Variants in PCDH9 observed in about 807,000 individuals in gnomAD.
The protein encoded by PCDH9 is protocadherin 9.
In PCDH9, 24 loss-of-function variants were observed where a neutral mutation model predicts 70.6. The observed-to-expected ratio is 0.34, with a 90% confidence interval of 0.25 to 0.48. The LOEUF (loss-of-function observed/expected upper bound fraction) is 0.48. Among genes scored for constraint, PCDH9 ranks in the 20% least tolerant of loss-of-function variants. The pLI is 0.99. For missense variants in PCDH9, 1,281 were observed against 1,503.6 expected (o/e 0.85, Z 2.45); for synonymous variants, 562 against 558.5 (o/e 1.01, Z -0.09).
Position 67,227,819 on chromosome 13 carries a change from G to C in PCDH9, c.622C>G (p.Gln208Glu), listed in dbSNP as rs771922856. 6 of 1,613,942 alleles carry C rather than the reference G, an allele frequency of 3.7e-6. No homozygotes were observed. The highest frequency in any genetic ancestry group is 3.3e-4 in the Middle Eastern group (2 of 6,062). The change falls in exon 2 of 5, where the codon CAA (glutamine) becomes GAA (glutamate). Residue 208 changes from glutamine to glutamate, a missense_variant. Physicochemically the swap from Gln to Glu is conservative, Grantham distance 29. Around this residue, in one of 4 missense-constraint regions of PCDH9, gnomAD observed 798 missense variants for 1,003.1 expected, o/e 0.80. Coordinates refer to ENST00000377865, the MANE Select transcript of PCDH9 (RefSeq NM_203487.3). The surrounding 1 kb of genome is among the most constrained non-coding windows in gnomAD (Gnocchi z 4.6). ...TCTTTCTGTTCTCTATCCAAGTTTT[G>C]CTGAACAATCAGTTGTGGCCACTTC... ...GEKWPQLIVQQNLDREQKDTY... is the reference protein window; with the variant it reads ...GEKWPQLIVQENLDREQKDTY...
At chr13:67,189,121 C>T (rs2088840299) in intron 2 of PCDH9, among the ~76,000 whole-genome samples, 1 of 151,642 alleles carries the variant, frequency 6.6e-6, no homozygotes, top group Non-Finnish European at 1.5e-5. Context: ...GCCGTTAATT[C>T]CTTCATATAT....
At chr13:66,540,240 G>A (rs1960896306) in intron 4 of PCDH9, among the ~76,000 whole-genome samples, 1 of 151,742 alleles carries the variant, frequency 6.6e-6, no homozygotes, top group Non-Finnish European at 1.5e-5. Context: ...ATAATATATT[G>A]AATTTTGGGG....
intron 2 of PCDH9, among the ~76,000 whole-genome samples, chr13:67,058,598 C>T (rs1003461472): frequency 3.9e-5 from 6 of 152,144 alleles, no homozygotes; most frequent in Admixed American, 2.6e-4. Flanking sequence ...TAAATGAGAG[C>T]GAATAGACTT....
At chr13:66,381,721 T>C (rs1430156624) in intron 4 of PCDH9, among the ~76,000 whole-genome samples, 5 of 152,208 alleles carry the variant, frequency 3.3e-5, no homozygotes, top group Non-Finnish European at 7.4e-5. Flanking sequence ...TGATTTTTAT[T>C]ACAAAAAATT....
At chr13:66,514,574 T>C (rs1959644550) in intron 4 of PCDH9, among the ~76,000 whole-genome samples, 1 of 151,742 alleles carries the variant, frequency 6.6e-6, no homozygotes, top group South Asian at 2.1e-4. Context: ...TGTTAAAAAA[T>C]TTAAGTATAT....
At chr13:67,062,446 T>G (rs2085557247) in intron 2 of PCDH9, among the ~76,000 whole-genome samples, 1 of 152,180 alleles carries the variant, frequency 6.6e-6, no homozygotes, top group African/African-American at 2.4e-5. Flanking sequence ...TTCACAATGT[T>G]AACCATCTCA....
At chr13:67,224,683 G>T in intron 2 of PCDH9, 1 of 347,746 alleles carries the variant, frequency 2.9e-6, no homozygotes, top group Non-Finnish European at 4.0e-6. Context: ...ATTTACAATG[G>T]ATTCATTCTT....
chr13:66,857,944 T>C (rs760826356), intron 3 of PCDH9, among the ~76,000 whole-genome samples: 43 of 152,230 alleles, frequency 2.8e-4, no homozygotes, highest in African/African-American at 9.1e-4. Flanking sequence ...CCCTCAATCA[T>C]TGAGCTGCTT....
At chr13:66,730,864 T>TGTGTGTG (rs201148717) in intron 3 of PCDH9, among the ~76,000 whole-genome samples, 3 of 122,292 alleles carry the variant, frequency 2.5e-5, no homozygotes, top group Admixed American at 9.7e-5. Context: ...TTTTGTTTTT[T>TGTGTGTG]TGTGTGTGTG....
chr13:67,059,968 G>T (rs2085505599), intron 2 of PCDH9, among the ~76,000 whole-genome samples: 1 of 149,330 alleles, frequency 6.7e-6, no homozygotes, highest in Non-Finnish European at 1.5e-5. Flanking sequence ...ATGGAGAAAT[G>T]CTGTTTATTA....
chr13:66,909,380 C>T (rs2082418602), intron 2 of PCDH9, among the ~76,000 whole-genome samples: 1 of 152,018 alleles, frequency 6.6e-6, no homozygotes, highest in African/African-American at 2.4e-5. Flanking sequence ...CCAAAGCAAT[C>T]TATGGATTCA....
intron 2 of PCDH9, among the ~76,000 whole-genome samples, chr13:67,152,950 C>T (rs1315872822): frequency 6.6e-6 from 1 of 152,048 alleles, no homozygotes; most frequent in Non-Finnish European, 1.5e-5. Flanking sequence ...ATGACACTTC[C>T]TATGTATCCC....
At chr13:66,848,790 G>T (rs563582219) in intron 3 of PCDH9, among the ~76,000 whole-genome samples, 7 of 148,786 alleles carry the variant, frequency 4.7e-5, no homozygotes, top group African/African-American at 1.0e-4. Flanking sequence ...TAGCCGGGCA[G>T]GGTGGCGGGC....
chr13:66,966,366 T>C (rs532673026), intron 2 of PCDH9, among the ~76,000 whole-genome samples: 1 of 152,216 alleles, frequency 6.6e-6, no homozygotes, highest in Non-Finnish European at 1.5e-5. Flanking sequence ...CAGTAGAAAC[T>C]GTGGGTGATG....
Position 66,601,665 on chromosome 13 carries a change from G to C in PCDH9, c.3340+29545C>G, listed in dbSNP as rs893416343. ...TATATGTGTTGACATTTTTGCAGAA[G>C]GCTGCTTTAACAGATAGAAGTAGAG... On this transcript the variant is annotated intron_variant, in intron 4 of 4. Coordinates refer to ENST00000377865, the MANE Select transcript of PCDH9 (RefSeq NM_203487.3). 2.1e-5 allele frequency among the ~76,000 whole-genome samples: 3 copies of C among 146,240 alleles called. No homozygotes were observed. The East Asian group carries it at 5.8e-4, about 28-fold the overall frequency.
intron 4 of PCDH9, among the ~76,000 whole-genome samples, chr13:66,338,890 AAG>A (rs1491424850): frequency 1.3e-5 from 2 of 151,544 alleles, no homozygotes; most frequent in Non-Finnish European, 2.9e-5. Context: ...GAGAAAAAAA[AAG>A]AAGTAAAGAA....
chr13:66,313,166 C>A (rs1181359412), intron 4 of PCDH9, among the ~76,000 whole-genome samples: 1 of 152,178 alleles, frequency 6.6e-6, no homozygotes, highest in East Asian at 1.9e-4. Flanking sequence ...CATTGAATGA[C>A]AATAGTCCAA....
At position 66,689,993 on chromosome 13, in the gene PCDH9, CT is replaced by C. The variant is rs544146168; in HGVS notation, c.3139-58583del. Among the ~76,000 whole-genome samples, 7 of 152,200 alleles carry C rather than the reference CT, an allele frequency of 4.6e-5. No homozygotes were observed. The South Asian group carries it at 1.5e-3, about 32-fold the overall frequency. ...ATCCTTTGAAAATTAAATACAGCTACTAAATTTGATGAGCATTATCTTAGTT... is the reference window on the plus strand; with the variant it reads ...ATCCTTTGAAAATTAAATACAGCTACAAATTTGATGAGCATTATCTTAGTT... On this transcript the variant is annotated intron_variant, in intron 3 of 4. Transcript: ENST00000377865.
chr13:67,107,892 G>A (rs149041151), intron 2 of PCDH9, among the ~76,000 whole-genome samples: 115 of 152,254 alleles, frequency 7.6e-4, no homozygotes, highest in Middle Eastern at 6.8e-3. Flanking sequence ...AGGGTTCTGC[G>A]GTTCCTGGTG....
Sources: gnomAD v4.1 joint callset for allele counts (sites outside exome capture counted in the v4.1 genomes callset) on GRCh38, gnomAD v4.1.1 for gene constraint, gnomAD v4.1.1 regional missense constraint, Gnocchi (gnomAD v3.1) non-coding constraint, MANE v1.5 for transcripts, NCBI Gene and HGNC (gene_info 2026-07-23, HGNC 2026-07-21) for gene names.